MRPL2: variants seen among roughly 807,000 people sequenced by gnomAD.
MRPL2 encodes large ribosomal subunit protein uL2m.
MRPL2 carries 27 observed loss-of-function variants against 34.6 expected under a neutral mutation model. That is an observed-to-expected ratio of 0.78 (90% CI 0.58 to 1.08). MRPL2 has a LOEUF of 1.08. MRPL2 is among the 50% of genes least tolerant of loss of function. The pLI is 0.00. For synonymous variants in MRPL2, 155 were observed against 158.0 expected (o/e 0.98, Z 0.14); for missense variants, 414 against 419.3 (o/e 0.99, Z 0.11).
Position 43,058,239 on chromosome 6 carries a change from G to A in MRPL2, c.97-6C>T, listed in dbSNP as rs1764946514. On this transcript the variant is annotated splice_region_variant and splice_polypyrimidine_tract_variant and intron_variant, in intron 1 of 6. Coordinates refer to ENST00000388752, the MANE Select transcript of MRPL2 (RefSeq NM_015950.5). ...AGGAGGCCATTGTTCATCATCTAGG[G>A]ATAAAAAGACATCTCTTTCATTTGA... 3.1e-6 allele frequency: 5 copies of A among 1,612,586 alleles called. No individual in the cohort carries two copies. The highest frequency in any genetic ancestry group is 4.2e-6 in the Non-Finnish European group (5 of 1,179,044).
At chr6:43,058,877 G>A (rs986221915) in intron 1 of MRPL2, 14 of 438,944 alleles carry the variant, frequency 3.2e-5, no homozygotes, top group Non-Finnish European at 4.9e-5. Context: ...GGCTCTGAAA[G>A]ACAGACTGTT....
rs746420217 is a variant in MRPL2, at chr6:43,056,416, C to T, written c.295G>A (p.Gly99Ser). 2 of 1,614,008 alleles carry T rather than the reference C, an allele frequency of 1.2e-6. No homozygotes were observed. The highest frequency in any genetic ancestry group is 8.5e-7 in the Non-Finnish European group (1 of 1,180,042). ...GRIRVHGIGG[G>S]HKQRYRMIDF... ...ATCATTCGATAACGTTGCTTGTGGC[C>T]CCCGCCAATACCATGCACCCGGATT... The change falls in exon 3 of 7, where the codon GGC becomes AGC. Residue 99 changes from glycine to serine, a missense_variant. Coordinates refer to ENST00000388752, the MANE Select transcript of MRPL2 (RefSeq NM_015950.5).
At chr6:43,059,609 A>C (rs1305643700), upstream of MRPL2, 9 of 1,390,902 alleles carry the variant, frequency 6.5e-6, no homozygotes, top group South Asian at 3.4e-5. Flanking sequence ...CGTCAAAACA[A>C]TTGCCTCGAG....
intron 2 of MRPL2, 102 bp from the exon 3 acceptor site, chr6:43,056,547 T>TG (rs1393539945): frequency 2.9e-6 from 4 of 1,402,834 alleles, no homozygotes; most frequent in East Asian, 4.9e-5. Flanking sequence ...TGCTTAGCAT[T>TG]GTGGCACAAG....
chr6:43,059,700 G>A (rs1014653916), upstream of MRPL2: 9 of 1,301,436 alleles, frequency 6.9e-6, no homozygotes, highest in African/African-American at 1.2e-4. Context: ...GTCTTTGAGG[G>A]TATCCTGGGG....
chr6:43,059,694 T>C, upstream of MRPL2: 1 of 1,318,140 alleles, frequency 7.6e-7, no homozygotes, highest in African/African-American at 1.5e-5. Context: ...AGGTGAGTCT[T>C]TGAGGGTATC....
rs755712844 is a variant in MRPL2, at chr6:43,056,201, T to C, written c.405-5A>G. On this transcript the variant is annotated splice_region_variant and splice_polypyrimidine_tract_variant and intron_variant, in intron 3 of 6. Coordinates refer to ENST00000388752, the MANE Select transcript of MRPL2 (RefSeq NM_015950.5). ...ACCAGAGCTATGTCTGCTGACCTAA[T>C]CAGGGTGAGGGACAGGTAAGCAGAC... The C allele has an allele frequency of 6.2e-7, 1 of 1,613,596 alleles. No individual in the cohort carries two copies. Among genetic ancestry groups the C allele is most frequent in the Admixed American group, 1.7e-5 (1 of 60,022 alleles).
intron 6 of MRPL2, among the ~76,000 whole-genome samples, chr6:43,054,732 G>A (rs1764774645): frequency 6.6e-6 from 1 of 151,976 alleles, no homozygotes; most frequent in Admixed American, 6.5e-5. Flanking sequence ...GAGCTCAGAA[G>A]TTCAAGACCA....
rs1009393119 is a variant in MRPL2, at chr6:43,056,743, C to T, written c.266-298G>A. ...AGGCTGGAGCGCAGTGGTGCGATCT[C>T]GGCTCACTGCAAGCTCCGCCTCCCG... is the stretch of plus-strand genomic sequence containing the variant. On this transcript the variant is annotated intron_variant, in intron 2 of 6. Transcript: ENST00000388752. Among the ~76,000 whole-genome samples, 14 of 152,258 alleles carry T rather than the reference C, an allele frequency of 9.2e-5. No homozygotes were observed. The East Asian group carries it at 1.7e-3, about 19-fold the overall frequency.
Position 43,055,967 on chromosome 6 carries a change from C to CAG in MRPL2, c.559_560dup (p.Pro188CysfsTer34). 1 of 1,614,154 alleles carries CAG rather than the reference C, an allele frequency of 6.2e-7. No homozygotes were observed. Among genetic ancestry groups the CAG allele is most frequent in the Non-Finnish European group, 8.5e-7 (1 of 1,180,032 alleles). ...CGTTGTTGATGAGGGTCCCCACAGGCAGAGCCCCAAGAGGATGCGCATCCC... is the reference window on the plus strand; with the variant it reads ...CGTTGTTGATGAGGGTCCCCACAGGCAGAGAGCCCCAAGAGGATGCGCATCCC... On this transcript the variant is annotated frameshift_variant, in exon 5 of 7. Transcript: ENST00000388752. LOFTEE classifies it high-confidence loss of function.
rs139758021 is a variant in MRPL2, at chr6:43,054,297, G to A, written c.895C>T (p.Pro299Ser). The A allele has an allele frequency of 8.0e-4, 1,289 of 1,609,736 alleles. No homozygotes were observed. Among genetic ancestry groups the A allele is most frequent in the Non-Finnish European group, 9.0e-4 (1,066 of 1,178,176 alleles). ...TATCAGCTTTGGGCAGAAGCAGAAG[G>A]CAGCTTCACGTAACTCTTCATGGGG... ...LPPMKSYVKL[P>S]SASAQS The change falls in exon 7 of 7, where the codon CCT becomes TCT. Residue 299 changes from proline (P) to serine (S), a missense_variant. Transcript: ENST00000388752.
rs757399431 is a variant in MRPL2, at chr6:43,054,322, G to A, written c.870C>T (p.Pro290=). The A allele has an allele frequency of 1.2e-5, 19 of 1,613,846 alleles. No homozygotes were observed. Among genetic ancestry groups the A allele is most frequent in the African/African-American group, 2.7e-5 (2 of 74,924 alleles). ...GWAGRKIRPL[P]PMKSYVKLPS... ...GCAGCTTCACGTAACTCTTCATGGG[G>A]GGTAGTGGCCGAATCTTTCGGCCAG... Residue 290 remains proline (P), a synonymous_variant, in exon 7 of 7, where the codon CCC becomes CCT. Coordinates refer to ENST00000388752, the MANE Select transcript of MRPL2 (RefSeq NM_015950.5).
rs753817633 is a variant in MRPL2, at chr6:43,054,468, C to A, written c.724G>T (p.Ala242Ser). The A allele has an allele frequency of 2.5e-6, 4 of 1,614,056 alleles. No homozygotes were observed. In the African/African-American group the frequency reaches 5.3e-5, roughly 22 times the overall value. ...RQMQVLETCV[A>S]TVGRVSNVDH... ...ACGTTGGATACTCGGCCTACTGTTG[C>A]TACGCACGTTTCCAGCACCTGACAG... is the stretch of plus-strand genomic sequence containing the variant. Residue 242 changes from alanine to serine, a missense_variant, in exon 7 of 7, where the codon GCA (alanine) becomes TCA (serine). Ala to Ser is a moderately conservative substitution (Grantham distance 99). Coordinates refer to ENST00000388752, the MANE Select transcript of MRPL2 (RefSeq NM_015950.5).
chr6:43,054,467 G>C lies in MRPL2; in HGVS notation c.725C>G (p.Ala242Gly). ...AACGTTGGATACTCGGCCTACTGTT[G>C]CTACGCACGTTTCCAGCACCTGACA... ...RQMQVLETCV[A>G]TVGRVSNVDH... The change falls in exon 7 of 7, where the codon GCA becomes GGA. Residue 242 changes from alanine to glycine, a missense_variant. Transcript: ENST00000388752. 6.2e-7 allele frequency: 1 copy of C among 1,614,168 alleles called. No individual in the cohort carries two copies. The highest frequency in any genetic ancestry group is 8.5e-7 in the Non-Finnish European group (1 of 1,180,038).
chr6:43,054,171 G>T lies in MRPL2; in HGVS notation c.*103C>A. The stretch of plus-strand genomic sequence containing the variant: ...TTTAGTCTGTACCATCCCCTCCCCC[G>T]CAAAAAAAAAACAACAACAAAAAAA... On this transcript the variant is annotated 3_prime_UTR_variant, in exon 7 of 7. Transcript: ENST00000388752. 3 of 824,014 alleles carry T rather than the reference G, an allele frequency of 3.6e-6. No homozygotes were observed. Among genetic ancestry groups the T allele is most frequent in the Non-Finnish European group, 3.5e-6 (2 of 568,242 alleles). 51.0% of individuals were successfully genotyped at this position (824,014 alleles called of 1,614,324 possible).
intron 1 of MRPL2, among the ~76,000 whole-genome samples, 174 bp from the exon 2 acceptor site, chr6:43,058,407 C>T (rs951954091): frequency 6.6e-6 from 1 of 152,218 alleles, no homozygotes; most frequent in Middle Eastern, 3.2e-3. Context: ...AATGTTCTCT[C>T]CTTGGTGATC....
intron 5 of MRPL2, 40 bp downstream of exon 5, chr6:43,055,857 T>C (rs1167040610): frequency 6.4e-7 from 1 of 1,570,648 alleles, no homozygotes; most frequent in Admixed American, 1.8e-5. Context: ...TCTCCTTGCC[T>C]TTCCAAACTA....
rs1488744462 is a variant in MRPL2, at chr6:43,059,154, A to T, written c.96+132T>A. 13 of 1,549,738 alleles carry T rather than the reference A, an allele frequency of 8.4e-6. No individual in the cohort carries two copies. The African/African-American group carries it at 1.6e-4, about 20-fold the overall frequency. ...CTTGTAGAGGAAAAAGCTGAGGCTA[A>T]GTGTGCCTTATCCAAGGTCACGGAC... On this transcript the variant is annotated intron_variant, in intron 1 of 6. Transcript: ENST00000388752.
At chr6:43,055,837 G>C (rs1436691863) in intron 5 of MRPL2, 60 bp downstream of exon 5, 9 of 1,483,860 alleles carry the variant, frequency 6.1e-6, no homozygotes, top group Non-Finnish European at 8.2e-6. Context: ...GTGGAACCAT[G>C]GGTTCAGACT....
Sources: allele counts gnomAD v4.1 joint callset (sites outside exome capture counted in the v4.1 genomes callset), GRCh38; gene constraint gnomAD v4.1.1; transcripts MANE v1.5; gene names NCBI Gene and HGNC (gene_info 2026-07-23, HGNC 2026-07-21).